The following CLASP2 variants were observed in gnomAD, a reference collection of about 807,000 sequenced individuals.
The protein encoded by CLASP2 is CLIP-associating protein 2.
In CLASP2, 47 loss-of-function variants were observed where a neutral mutation model predicts 194.4. The ratio of observed to expected loss-of-function variants is 0.24; its 90% CI spans 0.19 to 0.31. CLASP2 has a LOEUF of 0.31. CLASP2 is among the 10% of genes least tolerant of loss of function. CLASP2 has a pLI of 1.00. For missense variants in CLASP2, 1,445 were observed against 1,823.6 expected (o/e 0.79, Z 3.78); for synonymous variants, 619 against 633.5 (o/e 0.98, Z 0.34).
At chr3:33,692,454 T>C (rs1489394915) in intron 2 of CLASP2, among the ~76,000 whole-genome samples, 2 of 152,228 alleles carry the variant, frequency 1.3e-5, no homozygotes, top group Admixed American at 1.3e-4. Context: ...CATAAAATTA[T>C]TACAGCTAAT....
In CLASP2 at chr3:33,584,824, G is replaced by A; in HGVS notation, c.2165C>T (p.Ser722Leu). The A allele has an allele frequency of 6.2e-7, 1 of 1,613,166 alleles. No individual in the cohort carries two copies. The highest frequency in any genetic ancestry group is 8.5e-7 in the Non-Finnish European group (1 of 1,179,744). ...GVQRVLVNSA[S>L]AQKRSKIPRS... The stretch of plus-strand genomic sequence containing the variant: ...TGGTATCTTGCTTCTTTTTTGTGCT[G>A]AGGCTGAATTGACCAGGACTCTTTG... The change falls in exon 22 of 39, where the codon TCA becomes TTA. Residue 722 changes from serine to leucine, a missense_variant. Around this residue, in one of 4 missense-constraint regions of CLASP2, gnomAD observed 732 missense variants for 987.9 expected, o/e 0.74. Transcript: ENST00000682230.
chr3:33,713,841 T>A (rs112103161), intron 1 of CLASP2, among the ~76,000 whole-genome samples: 3,035 of 152,244 alleles, frequency 0.02, 105 homozygotes, highest in African/African-American at 0.069. Context: ...CTCCATTTTT[T>A]AACGTCAACT....
intron 32 of CLASP2, among the ~76,000 whole-genome samples, chr3:33,540,405 T>A (rs1330752843): frequency 6.6e-6 from 1 of 152,096 alleles, no homozygotes; most frequent in Non-Finnish European, 1.5e-5. Flanking sequence ...CTAGGCTGAT[T>A]TAAAAAAATT....
Position 33,717,815 on chromosome 3 carries a change from T to C in CLASP2, c.188A>G (p.Asn63Ser). ...CTCGCCGCCGTCGCTTACCCGGTAG[T>C]TGCTCGAACCCACCCAGCCGGTGAG... ...DALTGWVGSSNYRVSLMGLEI... is the reference protein window; with the variant it reads ...DALTGWVGSSSYRVSLMGLEI... Residue 63 changes from asparagine to serine, a missense_variant, in exon 1 of 39, where the codon AAC (asparagine) becomes AGC (serine). Physicochemically the swap from Asn to Ser is conservative, Grantham distance 46. Around this residue, in one of 4 missense-constraint regions of CLASP2, gnomAD observed 332 missense variants for 325.3 expected, o/e 1.02. Coordinates refer to ENST00000682230, the MANE Select transcript of CLASP2 (RefSeq NM_001365631.1). 6.4e-7 allele frequency: 1 copy of C among 1,557,482 alleles called. No individual in the cohort carries two copies. Among genetic ancestry groups the C allele is most frequent in the Non-Finnish European group, 8.7e-7 (1 of 1,151,364 alleles).
intron 28 of CLASP2, 58 bp from the exon 29 acceptor site, chr3:33,559,443 C>T (rs143002256): frequency 2.2e-6 from 2 of 916,676 alleles, no homozygotes; most frequent in South Asian, 1.5e-5. Flanking sequence ...ACGCATGTAA[C>T]AGCAAAAGAC....
intron 33 of CLASP2, among the ~76,000 whole-genome samples, chr3:33,538,412 C>T (rs1351713606): frequency 2.0e-5 from 3 of 152,170 alleles, no homozygotes; most frequent in Non-Finnish European, 4.4e-5. Context: ...CACATTCTAT[C>T]CTAAAACTCT....
At chr3:33,555,833 G>A (rs1461106259) in intron 29 of CLASP2, among the ~76,000 whole-genome samples, 1 of 152,186 alleles carries the variant, frequency 6.6e-6, no homozygotes, top group African/African-American at 2.4e-5. Context: ...CTAGTGCAGT[G>A]CCTTAGCAAT....
At chr3:33,621,556 T>C (rs1004448613) in intron 11 of CLASP2, among the ~76,000 whole-genome samples, 6 of 152,224 alleles carry the variant, frequency 3.9e-5, no homozygotes, top group Admixed American at 2.6e-4. Flanking sequence ...TTGCCTTTTT[T>C]TTCTTCGTTT....
At position 33,606,734 on chromosome 3, in the gene CLASP2, G is replaced by C. The variant is rs1265933589; in HGVS notation, c.1551C>G (p.His517Gln). Residue 517 changes from histidine to glutamine, a missense_variant, in exon 16 of 39, where the codon CAC (histidine) becomes CAG (glutamine). By Grantham distance (24) the His-to-Gln change is conservative. Transcript: ENST00000682230. ...ATAATGTTTCAGCTTCACCAGGAAA[G>C]TGGTTTCTAAGACCCATGTATGTCC... ...ARKTYMGLRN[H>Q]FPGEAETLYN... 6.2e-7 allele frequency: 1 copy of C among 1,612,400 alleles called. No homozygotes were observed. Among genetic ancestry groups the C allele is most frequent in the African/African-American group, 1.3e-5 (1 of 74,896 alleles).
intron 18 of CLASP2, among the ~76,000 whole-genome samples, chr3:33,599,155 C>T (rs1465647119): frequency 5.3e-5 from 8 of 152,150 alleles, no homozygotes; most frequent in Admixed American, 6.5e-5. Flanking sequence ...GGAAAGGTCT[C>T]GCTCTGTCAC....
Position 33,588,603 on chromosome 3 carries a change from T to C in CLASP2, c.2069-3683A>G, listed in dbSNP as rs1271908803. ...TCTGCCCCAGTATGACTACAAATGA[T>C]AGACTATGACGTTAAGAATTTCTGC... On this transcript the variant is annotated intron_variant, in intron 21 of 38. Coordinates refer to ENST00000682230, the MANE Select transcript of CLASP2 (RefSeq NM_001365631.1). 1.3e-5 allele frequency: 8 copies of C among 631,780 alleles called. 1 individual carries two copies. The highest frequency in any genetic ancestry group is 3.7e-5 in the African/African-American group (2 of 54,726). 39.1% of individuals were successfully genotyped at this position (631,780 alleles called of 1,614,324 possible).
chr3:33,649,978 A>G (rs1299152143), intron 7 of CLASP2, among the ~76,000 whole-genome samples: 5 of 152,156 alleles, frequency 3.3e-5, no homozygotes. Context: ...TATTCCCACA[A>G]ATAATTTCCC....
chr3:33,603,967 T>A (rs2073026504), intron 17 of CLASP2, among the ~76,000 whole-genome samples, 187 bp downstream of exon 17: 2 of 152,206 alleles, frequency 1.3e-5, no homozygotes, highest in African/African-American at 4.8e-5. Flanking sequence ...AGAGTAAGTA[T>A]GGCTTCCTGG....
intron 9 of CLASP2, among the ~76,000 whole-genome samples, chr3:33,627,773 CATA>C (rs777702542): frequency 1.5e-4 from 23 of 152,126 alleles, no homozygotes; most frequent in Non-Finnish European, 2.9e-4. Context: ...AAAGTTTATA[CATA>C]AGAGGAGGTT....
chr3:33,691,731 T>C lies in CLASP2; in HGVS notation c.275-1799A>G, dbSNP rs567382146. The stretch of plus-strand genomic sequence containing the variant: ...AACACTTAACAAATGTTAGATATTA[T>C]TATGCACTAACCACTGAATTATCTC... On this transcript the variant is annotated intron_variant, in intron 2 of 38. Transcript: ENST00000682230. 9.5e-4 allele frequency among the ~76,000 whole-genome samples: 144 copies of C among 152,356 alleles called. 1 individual carries two copies. In the Middle Eastern group the frequency reaches 0.017, roughly 18 times the overall value.
At chr3:33,665,784 G>A (rs1010991966) in intron 6 of CLASP2, among the ~76,000 whole-genome samples, 1 of 151,950 alleles carries the variant, frequency 6.6e-6, no homozygotes, top group Non-Finnish European at 1.5e-5. Flanking sequence ...ACTTATTTTA[G>A]AAAAACAAAC....
At chr3:33,683,218 A>G (rs2090103221) in intron 6 of CLASP2, 1 of 152,270 alleles carries the variant, frequency 6.6e-6, no homozygotes, top group South Asian at 2.1e-4. Flanking sequence ...TACATACTAA[A>G]TAATAAATGA....
chr3:33,705,095 G>A (rs374539098), intron 1 of CLASP2, among the ~76,000 whole-genome samples: 4 of 152,032 alleles, frequency 2.6e-5, no homozygotes, highest in East Asian at 3.9e-4. Context: ...ATACTTGTAC[G>A]TCAATGTTCA....
chr3:33,680,366 T>C (rs2089602500), intron 6 of CLASP2, among the ~76,000 whole-genome samples: 1 of 152,190 alleles, frequency 6.6e-6, no homozygotes, highest in South Asian at 2.1e-4. Flanking sequence ...GTGATAATGA[T>C]ATGTCAATGT....
Sources: gnomAD v4.1 joint callset for allele counts (sites outside exome capture counted in the v4.1 genomes callset) on GRCh38, gnomAD v4.1.1 for gene constraint, gnomAD v4.1.1 regional missense constraint, MANE v1.5 for transcripts, NCBI Gene and HGNC (gene_info 2026-07-23, HGNC 2026-07-21) for gene names.